RAB11FIP3: variants seen among roughly 807,000 people sequenced by gnomAD.
RAB11FIP3 encodes the protein rab11 family-interacting protein 3.
A neutral mutation model predicts 77.8 loss-of-function variants in RAB11FIP3; 17 were observed. That is an observed-to-expected ratio of 0.22 (90% CI 0.15 to 0.33). The LOEUF (loss-of-function observed/expected upper bound fraction) is 0.33, where lower values mean the gene tolerates loss of function less well. RAB11FIP3 is among the 10% of genes least tolerant of loss of function. The pLI is 1.00. For missense variants in RAB11FIP3, 1,005 were observed against 1,011.2 expected (o/e 0.99, Z 0.08); for synonymous variants, 437 against 448.2 (o/e 0.98, Z 0.31).
At position 471,304 on chromosome 16, in the gene RAB11FIP3, G is replaced by A. The variant is rs1296538613; in HGVS notation, c.818G>A (p.Gly273Asp). The A allele has an allele frequency of 6.2e-7, 1 of 1,613,714 alleles. No individual in the cohort carries two copies. The part of the protein sequence containing the change: ...ITAIRNGDPD[G>D]QCYGGVASAQ... ...GGTCTTCTCCCTGCAGATCCTGATG[G>A]CCAGTGCTACGGTGGTGTCGCTTCT... The change falls in exon 3 of 14, where the codon GGC (glycine) becomes GAC (aspartate). Residue 273 changes from glycine to aspartate, a missense_variant. By Grantham distance (94) the Gly-to-Asp change is moderately conservative. This residue lies in a region of RAB11FIP3 where 466 missense variants were observed against 408.3 expected (regional missense o/e 1.14). Transcript: ENST00000262305. The surrounding 1 kb of genome is among the most constrained non-coding windows in gnomAD (Gnocchi z 4.4).
At chr16:492,760 G>A (rs545235217) in intron 5 of RAB11FIP3, among the ~76,000 whole-genome samples, 1 of 152,238 alleles carries the variant, frequency 6.6e-6, no homozygotes, top group South Asian at 2.1e-4. Context: ...TGAAGACTCA[G>A]GTCTCGTCTC....
chr16:443,626 C>T (rs534460347), intron 1 of RAB11FIP3, among the ~76,000 whole-genome samples: 13 of 152,250 alleles, frequency 8.5e-5, no homozygotes, highest in African/African-American at 2.2e-4. Flanking sequence ...AGTGCAGTGG[C>T]GCGATCTTGG....
intron 1 of RAB11FIP3, among the ~76,000 whole-genome samples, chr16:451,921 G>A (rs1056280669): frequency 2.0e-5 from 3 of 152,130 alleles, no homozygotes; most frequent in East Asian, 1.9e-4. Flanking sequence ...AGGCCGAGGC[G>A]GTGGATTGCC....
intron 1 of RAB11FIP3, among the ~76,000 whole-genome samples, chr16:434,107 ATATT>A (rs2055087235): frequency 6.6e-6 from 1 of 152,046 alleles, no homozygotes; most frequent in Non-Finnish European, 1.5e-5. Flanking sequence ...TATCAGATGT[ATATT>A]TATTTATTTA....
intron 6 of RAB11FIP3, 74 bp from the exon 7 acceptor site, chr16:502,930 G>T (rs2031610233): frequency 8.5e-7 from 1 of 1,177,488 alleles, no homozygotes; most frequent in African/African-American, 1.5e-5. Flanking sequence ...GATTGACTTG[G>T]GAGTGCTTGT....
At chr16:512,966 G>A (rs1259171012) in intron 9 of RAB11FIP3, among the ~76,000 whole-genome samples, 1 of 151,630 alleles carries the variant, frequency 6.6e-6, no homozygotes, top group Non-Finnish European at 1.5e-5. Context: ...ACCAGCGTGA[G>A]CCACTGTGCC....
chr16:487,169 C>G (rs1451893715), intron 4 of RAB11FIP3, among the ~76,000 whole-genome samples: 2 of 144,636 alleles, frequency 1.4e-5, no homozygotes, highest in Non-Finnish European at 3.0e-5. Flanking sequence ...CTGGCTCTGT[C>G]GCCCAGGCTG....
rs1478328427 is a variant in RAB11FIP3 at position 506,914 on chromosome 16, A to G, written c.1499+1287A>G. ...CTACACATAAGCAGTGCCACCAAAGACCACTGTCTCCTCCTTGTCAAGGAG... is the reference window on the plus strand; with the variant it reads ...CTACACATAAGCAGTGCCACCAAAGGCCACTGTCTCCTCCTTGTCAAGGAG... On this transcript the variant is annotated intron_variant, in intron 8 of 13. Transcript: ENST00000262305. This position sits in a 1 kb window ranked among gnomAD's most constrained non-coding sequence, Gnocchi z 4.5. Among the ~76,000 whole-genome samples, 1 of 152,056 alleles carries G rather than the reference A, an allele frequency of 6.6e-6. No individual in the cohort carries two copies. The highest frequency in any genetic ancestry group is 6.6e-5 in the Admixed American group (1 of 15,260).
chr16:478,873 C>G (rs945169009), intron 3 of RAB11FIP3, among the ~76,000 whole-genome samples: 1 of 152,008 alleles, frequency 6.6e-6, no homozygotes, highest in Admixed American at 6.6e-5. Flanking sequence ...GGCTGAGACA[C>G]AAGAATCACT....
Position 447,081 on chromosome 16 carries a change from G to T in RAB11FIP3, c.715-14323G>T, listed in dbSNP as rs142244545. 8.9e-3 allele frequency among the ~76,000 whole-genome samples: 1,342 copies of T among 151,056 alleles called. 8 individuals carry two copies. The highest frequency in any genetic ancestry group is 0.015 in the Non-Finnish European group (1,047 of 67,746). On this transcript the variant is annotated intron_variant, in intron 1 of 13. Coordinates refer to ENST00000262305, the MANE Select transcript of RAB11FIP3 (RefSeq NM_014700.4). Reference sequence around the variant, plus strand: ...ACACTTTGAGAGGCTGAGGCAGGAGGATCACTTGAGGCCAGGAGTTCAAGA... The same window carrying T: ...ACACTTTGAGAGGCTGAGGCAGGAGTATCACTTGAGGCCAGGAGTTCAAGA...
intron 1 of RAB11FIP3, among the ~76,000 whole-genome samples, chr16:439,993 G>C (rs183682477): frequency 1.3e-4 from 20 of 151,934 alleles, no homozygotes; most frequent in African/African-American, 4.1e-4. Flanking sequence ...ACAGGTGCCT[G>C]CCTCGTCTGG....
chr16:517,169 C>T (rs376448433), intron 9 of RAB11FIP3, among the ~76,000 whole-genome samples: 4 of 152,190 alleles, frequency 2.6e-5, no homozygotes, highest in Admixed American at 6.5e-5. Context: ...ACGGACCCAA[C>T]GTGGGGGACG....
intron 1 of RAB11FIP3, among the ~76,000 whole-genome samples, chr16:428,100 C>CA (rs10669000): frequency 0.39 from 56,318 of 143,606 alleles, 11,093 homozygotes; most frequent in South Asian, 0.56. Flanking sequence ...GACTTCGTCT[C>CA]AAAAAAAAAA....
At chr16:493,447 T>TCTG (rs1408151063) in intron 5 of RAB11FIP3, among the ~76,000 whole-genome samples, 1 of 152,114 alleles carries the variant, frequency 6.6e-6, no homozygotes, top group African/African-American at 2.4e-5. Flanking sequence ...TGGCAACAGG[T>TCTG]GACTTAGTCC....
At chr16:473,709 G>A (rs188805747) in intron 3 of RAB11FIP3, among the ~76,000 whole-genome samples, 53 of 152,130 alleles carry the variant, frequency 3.5e-4, no homozygotes, top group African/African-American at 1.2e-3. Context: ...TAAAGTGCTG[G>A]TATTACAGGC....
At chr16:450,038 G>A (rs947249929) in intron 1 of RAB11FIP3, among the ~76,000 whole-genome samples, 17 of 152,208 alleles carry the variant, frequency 1.1e-4, no homozygotes, top group African/African-American at 3.6e-4. Context: ...ACTCAAGAGA[G>A]GGGGTCTTAG....
intron 1 of RAB11FIP3, among the ~76,000 whole-genome samples, chr16:457,245 C>T (rs780367134): frequency 1.3e-5 from 2 of 152,144 alleles, no homozygotes; most frequent in African/African-American, 2.4e-5. Flanking sequence ...ACTTGTTCTG[C>T]TTTCCTTTCT....
intron 1 of RAB11FIP3, among the ~76,000 whole-genome samples, chr16:440,375 C>A (rs1203607440): frequency 6.6e-6 from 1 of 152,148 alleles, no homozygotes; most frequent in Non-Finnish European, 1.5e-5. Flanking sequence ...AAGTGATCCG[C>A]CCACCTTGGC....
At chr16:452,647 G>A (rs75971842) in intron 1 of RAB11FIP3, among the ~76,000 whole-genome samples, 1,655 of 120,354 alleles carry the variant, frequency 0.014, 15 homozygotes, top group Non-Finnish European at 0.02. Flanking sequence ...TGTTAGCCAG[G>A]ATGGTCTCGA....
Sources: gnomAD v4.1 joint callset for allele counts (sites outside exome capture counted in the v4.1 genomes callset) on GRCh38, gnomAD v4.1.1 for gene constraint, gnomAD v4.1.1 regional missense constraint, Gnocchi (gnomAD v3.1) non-coding constraint, MANE v1.5 for transcripts, NCBI Gene and HGNC (gene_info 2026-07-23, HGNC 2026-07-21) for gene names.